The following ZMAT4 variants were observed in gnomAD, a reference collection of about 807,000 sequenced individuals.
ZMAT4 encodes the protein zinc finger matrin-type protein 4.
A neutral mutation model predicts 28.7 loss-of-function variants in ZMAT4; 17 were observed. The observed-to-expected ratio is 0.59, with a 90% CI of 0.41 to 0.89. The LOEUF (loss-of-function observed/expected upper bound fraction) is 0.89. Ranked by LOEUF, ZMAT4 falls within the 40% of genes least tolerant of loss-of-function variation. The pLI is 0.00. For missense variants in ZMAT4, 240 were observed against 283.8 expected, an observed-to-expected ratio of 0.85 and a Z score of 1.11; for synonymous variants, 117 against 109.2, an observed-to-expected ratio of 1.07 and a Z score of -0.44.
intron 5 of ZMAT4, among the ~76,000 whole-genome samples, chr8:40,625,838 C>T (rs566631302): frequency 0.12 from 1,654 of 13,398 alleles, 15 homozygotes; most frequent in Middle Eastern, 0.5. Flanking sequence ...GGGCTGGGCG[C>T]GGTGGAATCA....
intron 2 of ZMAT4, among the ~76,000 whole-genome samples, chr8:40,779,132 T>TA (rs1365607872): frequency 6.6e-6 from 1 of 152,064 alleles, no homozygotes; most frequent in Non-Finnish European, 1.5e-5. Flanking sequence ...TTTCCCCAAA[T>TA]ACTGTTCTCA....
chr8:40,579,661 G>C (rs1319870571), intron 6 of ZMAT4, among the ~76,000 whole-genome samples: 1 of 152,142 alleles, frequency 6.6e-6, no homozygotes, highest in African/African-American at 2.4e-5. Flanking sequence ...CAATATCTTT[G>C]CAAAACAATT....
chr8:40,834,502 A>C (rs1816406370), intron 1 of ZMAT4, among the ~76,000 whole-genome samples: 1 of 152,036 alleles, frequency 6.6e-6, no homozygotes, highest in South Asian at 2.1e-4. Flanking sequence ...ATACAACATC[A>C]CTTGGATTCT....
intron 2 of ZMAT4, among the ~76,000 whole-genome samples, chr8:40,795,062 C>T (rs1814529785): frequency 6.6e-6 from 1 of 152,154 alleles, no homozygotes; most frequent in South Asian, 2.1e-4. Context: ...TATTTCTCCA[C>T]TTACCAATGT....
chr8:40,815,237 T>C (rs1429525760), intron 2 of ZMAT4, among the ~76,000 whole-genome samples: 1 of 152,032 alleles, frequency 6.6e-6, no homozygotes, highest in Non-Finnish European at 1.5e-5. Context: ...ATCATGCAAA[T>C]GCACTCCAGT....
At chr8:40,749,574 A>T (rs193095549) in intron 3 of ZMAT4, among the ~76,000 whole-genome samples, 102 of 152,296 alleles carry the variant, frequency 6.7e-4, no homozygotes, top group African/African-American at 2.3e-3. Context: ...AAAAAAGAAC[A>T]AAGTTAGGAT....
intron 1 of ZMAT4, among the ~76,000 whole-genome samples, chr8:40,863,634 G>T (rs980479574): frequency 6.6e-6 from 1 of 152,148 alleles, no homozygotes; most frequent in African/African-American, 2.4e-5. Context: ...AGTACTAATT[G>T]CTTGGACCAC....
intron 5 of ZMAT4, among the ~76,000 whole-genome samples, chr8:40,625,865 A>G (rs555264332): frequency 6.6e-6 from 1 of 152,200 alleles, no homozygotes; most frequent in East Asian, 1.9e-4. Context: ...TAATCCCAGC[A>G]CTTTGGGAGG....
At chr8:40,560,801 C>T (rs756924322) in intron 6 of ZMAT4, among the ~76,000 whole-genome samples, 14 of 152,134 alleles carry the variant, frequency 9.2e-5, no homozygotes, top group Non-Finnish European at 1.8e-4. Flanking sequence ...TCAGAGCTTG[C>T]CAGATCCTGA....
At chr8:40,876,989 C>T (rs1818062685) in intron 1 of ZMAT4, among the ~76,000 whole-genome samples, 1 of 152,314 alleles carries the variant, frequency 6.6e-6, no homozygotes, top group East Asian at 1.9e-4. Flanking sequence ...AGCCTCCACT[C>T]CTTCAGAATG....
intron 2 of ZMAT4, among the ~76,000 whole-genome samples, chr8:40,814,155 T>C (rs1202314911): frequency 1.3e-5 from 2 of 152,204 alleles, no homozygotes; most frequent in Non-Finnish European, 2.9e-5. Flanking sequence ...AATTAAATCA[T>C]CTTAGTATAG....
At chr8:40,737,344 A>C (rs1409496513) in intron 3 of ZMAT4, among the ~76,000 whole-genome samples, 2 of 152,092 alleles carry the variant, frequency 1.3e-5, no homozygotes, top group African/African-American at 4.8e-5. Context: ...TAAGGAGAAG[A>C]GGGATGGGAG....
At chr8:40,686,951 G>A (rs1809435750) in intron 4 of ZMAT4, among the ~76,000 whole-genome samples, 1 of 152,018 alleles carries the variant, frequency 6.6e-6, no homozygotes, top group Non-Finnish European at 1.5e-5. Flanking sequence ...CCACATTGCT[G>A]GGCTGTGAAG....
chr8:40,860,834 A>G (rs1255530783), intron 1 of ZMAT4, among the ~76,000 whole-genome samples: 1 of 152,150 alleles, frequency 6.6e-6, no homozygotes, highest in African/African-American at 2.4e-5. Context: ...ATGCAGTGCA[A>G]TCGGACCAAT....
At chr8:40,625,055 G>A (rs966966371) in intron 5 of ZMAT4, among the ~76,000 whole-genome samples, 23 of 152,196 alleles carry the variant, frequency 1.5e-4, no homozygotes, top group African/African-American at 4.8e-4. Flanking sequence ...CTGAAAAAGC[G>A]ACATTTGAGT....
At chr8:40,535,069 G>A (rs1435175074) in intron 6 of ZMAT4, among the ~76,000 whole-genome samples, 1 of 152,056 alleles carries the variant, frequency 6.6e-6, no homozygotes, top group Non-Finnish European at 1.5e-5. Context: ...GAAAAATGTT[G>A]GGCAATTTGG....
intron 2 of ZMAT4, 144 bp downstream of exon 2, chr8:40,825,431 C>G: frequency 1.6e-6 from 1 of 640,358 alleles, no homozygotes; most frequent in South Asian, 1.9e-5. Context: ...CTTGTCCTGG[C>G]CTTGACCTCA....
At chr8:40,651,765 A>G (rs2118819025) in intron 5 of ZMAT4, among the ~76,000 whole-genome samples, 1 of 150,470 alleles carries the variant, frequency 6.6e-6, no homozygotes, top group Non-Finnish European at 1.5e-5. Flanking sequence ...CAGAGCCCTC[A>G]GAAATAACGC....
intron 5 of ZMAT4, among the ~76,000 whole-genome samples, chr8:40,616,055 C>A (rs1450183215): frequency 6.6e-6 from 1 of 152,134 alleles, no homozygotes; most frequent in African/African-American, 2.4e-5. Context: ...AAGCAAACAA[C>A]CCCATCAAAA....
Sources: gnomAD v4.1 joint callset for allele counts (sites outside exome capture counted in the v4.1 genomes callset) on GRCh38, gnomAD v4.1.1 for gene constraint, MANE v1.5 for transcripts, NCBI Gene and HGNC (gene_info 2026-07-23, HGNC 2026-07-21) for gene names.